Variants in SLC1A6 observed in about 807,000 individuals in gnomAD.
The protein encoded by SLC1A6 is solute carrier family 1 member 6, also known as excitatory amino acid transporter 4.
SLC1A6 carries 15 observed loss-of-function variants against 42.1 expected under a neutral mutation model. The ratio of observed to expected loss-of-function variants is 0.36; its 90% CI spans 0.24 to 0.55. The LOEUF is 0.55. Among genes scored for constraint, SLC1A6 ranks in the 20% least tolerant of loss-of-function variants. SLC1A6 has a pLI of 0.88. For synonymous variants in SLC1A6, 317 were observed against 319.7 expected, an observed-to-expected ratio of 0.99 and a Z score of 0.09; for missense variants, 542 against 772.5, an observed-to-expected ratio of 0.70 and a Z score of 3.54.
rs564035214 is a variant in SLC1A6 at position 14,955,244 on chromosome 19, C to G, written c.1170-915G>C. Among the ~76,000 whole-genome samples, 7 of 152,234 alleles carry G rather than the reference C, an allele frequency of 4.6e-5. No individual in the cohort carries two copies. In the East Asian group the frequency reaches 1.4e-3, roughly 29 times the overall value. On this transcript the variant is annotated intron_variant, in intron 7 of 9. Coordinates refer to ENST00000594383, the MANE Select transcript of SLC1A6 (RefSeq NM_005071.3). ...ACATCAGTCTTACCTAGCCATAGAC[C>G]AAGAGGCACATTCCCTGACCAGCGT...
At chr19:14,983,640 A>G (rs1013718847), upstream of SLC1A6, among the ~76,000 whole-genome samples, 3 of 147,384 alleles carry the variant, frequency 2.0e-5, no homozygotes, top group Non-Finnish European at 4.5e-5. Context: ...GTGACCTATG[A>G]TCGTACCACT....
chr19:14,987,264 C>T lies in SLC1A6; in HGVS notation c.7-14347G>A, dbSNP rs187856602. On this transcript the variant is annotated intron_variant, in intron 1 of 8. Transcript: ENST00000430939. ...TGAGCGGATCATGAGGTCAGGAGAT[C>T]GAGACCAGCCTGACCAACATGGCGA... Among the ~76,000 whole-genome samples, 308 of 152,004 alleles carry T rather than the reference C, an allele frequency of 2.0e-3. 1 individual carries two copies. The highest frequency in any genetic ancestry group is 7.3e-3 in the African/African-American group (303 of 41,430).
chr19:14,977,037 GAAA>G (rs151268318), intron 1 of SLC1A6: 20,603 of 138,772 alleles, frequency 0.15, 1,711 homozygotes, highest in South Asian at 0.26. Flanking sequence ...TCCTTGCTGT[GAAA>G]AAAAAAAAAA....
At chr19:14,968,623 C>T (rs990093974) in intron 3 of SLC1A6, 116 bp from the exon 4 acceptor site, 20 of 875,702 alleles carry the variant, frequency 2.3e-5, no homozygotes, top group Non-Finnish European at 2.8e-5. Flanking sequence ...CCAAGCATCC[C>T]TTTTCCTATA....
chr19:14,992,065 A>AT (rs1192400953), intron 1 of SLC1A6, among the ~76,000 whole-genome samples: 1 of 152,080 alleles, frequency 6.6e-6, no homozygotes, highest in East Asian at 1.9e-4. Context: ...ACCTTAGGTG[A>AT]TCCACCCGCC....
chr19:14,955,477 G>T (rs1021917407), intron 7 of SLC1A6, among the ~76,000 whole-genome samples: 1 of 151,796 alleles, frequency 6.6e-6, no homozygotes, highest in Admixed American at 6.6e-5. Context: ...TTAGCCGGGA[G>T]GACTGGAATC....
chr19:15,008,067 G>T (rs1319080450), intron 1 of SLC1A6, among the ~76,000 whole-genome samples: 3 of 151,246 alleles, frequency 2.0e-5, no homozygotes, highest in African/African-American at 7.3e-5. Flanking sequence ...AATGAGTCTG[G>T]GTGCAGTGGC....
At chr19:14,987,813 G>C (rs1317706027) in intron 1 of SLC1A6, among the ~76,000 whole-genome samples, 1 of 152,170 alleles carries the variant, frequency 6.6e-6, no homozygotes, top group African/African-American at 2.4e-5. Flanking sequence ...AACTCAGGGA[G>C]CCTAGTCCAG....
chr19:14,982,968 C>T (rs1200273664), upstream of SLC1A6, among the ~76,000 whole-genome samples: 1 of 152,182 alleles, frequency 6.6e-6, no homozygotes, highest in East Asian at 1.9e-4. Context: ...TTGTTTTACA[C>T]TTTTTCAAAT....
intron 9 of SLC1A6, among the ~76,000 whole-genome samples, 170 bp downstream of exon 9, chr19:14,952,758 T>G (rs1465502869): frequency 1.3e-5 from 2 of 152,010 alleles, no homozygotes; most frequent in African/African-American, 4.8e-5. Flanking sequence ...CTGTGGGATT[T>G]GGGGTCCAGA....
Position 15,010,045 on chromosome 19 carries a change from G to T in SLC1A6, c.6+440C>A, listed in dbSNP as rs551449569. Among the ~76,000 whole-genome samples, 6 of 151,798 alleles carry T rather than the reference G, an allele frequency of 4.0e-5. No individual in the cohort carries two copies. In the South Asian group the frequency reaches 1.0e-3, roughly 26 times the overall value. On this transcript the variant is annotated intron_variant, in intron 1 of 8. Transcript: ENST00000430939. ...AAAAAAAATGCAAAAAATTAGCTGG[G>T]CATGGTGGTGGGCGCCTGTAAGCCC... is the stretch of plus-strand genomic sequence containing the variant.
intron 1 of SLC1A6, among the ~76,000 whole-genome samples, chr19:14,997,048 A>C (rs1424474586): frequency 6.6e-6 from 1 of 152,166 alleles, no homozygotes; most frequent in East Asian, 1.9e-4. Flanking sequence ...CTCCGATTCT[A>C]TTCCTAAAAA....
At chr19:14,998,646 C>T (rs1317530442) in intron 1 of SLC1A6, among the ~76,000 whole-genome samples, 6 of 152,102 alleles carry the variant, frequency 3.9e-5, no homozygotes, top group Non-Finnish European at 8.8e-5. Flanking sequence ...TTTAGTATAG[C>T]ATCACATGAC....
chr19:14,957,844 AG>A (rs1287855795), intron 6 of SLC1A6, among the ~76,000 whole-genome samples: 1 of 152,194 alleles, frequency 6.6e-6, no homozygotes, highest in Non-Finnish European at 1.5e-5. Flanking sequence ...TTGCATGATG[AG>A]AAGGTACCCT....
chr19:14,967,278 T>C (rs1307770217), intron 4 of SLC1A6, among the ~76,000 whole-genome samples: 1 of 152,174 alleles, frequency 6.6e-6, no homozygotes, highest in Non-Finnish European at 1.5e-5. Context: ...GCCTGTCCCC[T>C]TTGTCTCTCC....
chr19:15,007,682 C>T (rs1218340122), intron 1 of SLC1A6, among the ~76,000 whole-genome samples: 2 of 152,098 alleles, frequency 1.3e-5, no homozygotes, highest in Non-Finnish European at 2.9e-5. Flanking sequence ...TAGCATGCTT[C>T]CTGTTCTAGA....
intron 6 of SLC1A6, among the ~76,000 whole-genome samples, chr19:14,958,304 G>A (rs767549757): frequency 2.0e-5 from 3 of 151,908 alleles, no homozygotes; most frequent in African/African-American, 7.3e-5. Context: ...CCAGCTACTC[G>A]GGAGGCTGAG....
intron 8 of SLC1A6, 71 bp downstream of exon 8, chr19:14,954,064 C>G: frequency 7.6e-7 from 1 of 1,318,366 alleles, no homozygotes; most frequent in Non-Finnish European, 1.1e-6. Context: ...TCCTCCCTCC[C>G]CAACCCTCCC....
At chr19:15,009,716 T>C (rs948356616) in intron 1 of SLC1A6, among the ~76,000 whole-genome samples, 7 of 152,210 alleles carry the variant, frequency 4.6e-5, no homozygotes, top group Admixed American at 6.5e-5. Flanking sequence ...CTAGAAAATA[T>C]ATCCATGTAG....
Sources: allele counts gnomAD v4.1 joint callset (sites outside exome capture counted in the v4.1 genomes callset), GRCh38; gene constraint gnomAD v4.1.1; transcripts MANE v1.5; gene names NCBI Gene and HGNC (gene_info 2026-07-23, HGNC 2026-07-21).